Variants in RAB38 observed in about 807,000 individuals in gnomAD.
RAB38 encodes ras-related protein Rab-38.
In RAB38, 15 loss-of-function variants were observed where a neutral mutation model predicts 18.4. That is an observed-to-expected ratio of 0.82 (90% confidence interval 0.55 to 1.26). The LOEUF (loss-of-function observed/expected upper bound fraction) is 1.26. Among genes scored for constraint, RAB38 ranks in the 50% most tolerant of loss-of-function variants. The pLI is 0.00. For synonymous variants in RAB38, 101 were observed against 104.4 expected (o/e 0.97, Z 0.20); for missense variants, 294 against 267.4 (o/e 1.10, Z -0.69).
At chr11:88,172,345 A>G (rs1273378959) in intron 1 of RAB38, among the ~76,000 whole-genome samples, 3 of 152,202 alleles carry the variant, frequency 2.0e-5, no homozygotes, top group Admixed American at 2.0e-4. Context: ...TACTTTTTGG[A>G]GTCTTTCAAG....
chr11:87,914,244 A>T, the RAB38 span, among the ~76,000 whole-genome samples: 1 of 152,158 alleles, frequency 6.6e-6, no homozygotes, highest in African/African-American at 2.4e-5. Flanking sequence ...TGACCAAAAC[A>T]TTGATAGAAA....
At chr11:88,158,474 A>C (rs1050114945) in intron 1 of RAB38, among the ~76,000 whole-genome samples, 2 of 152,268 alleles carry the variant, frequency 1.3e-5, no homozygotes, top group Non-Finnish European at 2.9e-5. Flanking sequence ...ACAATGAAAA[A>C]AGAAAACTAC....
chr11:87,938,268 G>T, the RAB38 span, among the ~76,000 whole-genome samples: 2 of 152,008 alleles, frequency 1.3e-5, no homozygotes, highest in African/African-American at 4.8e-5. Flanking sequence ...CTGGGCAGGG[G>T]TTAAAATCTT....
the RAB38 span, among the ~76,000 whole-genome samples, chr11:87,947,515 G>T: frequency 3.6e-4 from 55 of 152,184 alleles, no homozygotes; most frequent in African/African-American, 1.3e-3. Flanking sequence ...GGTTTTTATG[G>T]TTTCAGGTCT....
At chr11:88,017,364 TAC>T in the RAB38 span, among the ~76,000 whole-genome samples, 99,254 of 150,406 alleles carry the variant, frequency 0.66, 32,856 homozygotes, top group East Asian at 0.71. Context: ...TATAGACACA[TAC>T]ACACACACAC....
the RAB38 span, chr11:87,817,067 T>G: frequency 1.3e-5 from 2 of 152,312 alleles, no homozygotes; most frequent in East Asian, 3.9e-4. Flanking sequence ...CACATGAAGA[T>G]ATTTAGGTAG....
downstream of RAB38, among the ~76,000 whole-genome samples, chr11:88,109,841 T>A (rs1376023611): frequency 3.9e-5 from 6 of 152,174 alleles, no homozygotes; most frequent in Admixed American, 1.3e-4. Flanking sequence ...CCAGTTAGAA[T>A]GGTGATCATT....
At chr11:87,893,372 A>ATATATATATATATGTG in the RAB38 span, among the ~76,000 whole-genome samples, 2 of 28,442 alleles carry the variant, frequency 7.0e-5, no homozygotes, top group African/African-American at 1.5e-4. Context: ...TATATTTTAC[A>ATATATATATATATGTG]TATATATATA....
chr11:87,933,513 G>A, the RAB38 span, among the ~76,000 whole-genome samples: 1 of 152,092 alleles, frequency 6.6e-6, no homozygotes, highest in African/African-American at 2.4e-5. Flanking sequence ...GAAGACTTAA[G>A]CTTTCAGAAA....
intron 2 of RAB38, chr11:88,115,878 G>C (rs1356240589): frequency 6.6e-6 from 1 of 152,132 alleles, no homozygotes; most frequent in Non-Finnish European, 1.5e-5. Context: ...TTAAGATAAA[G>C]ATTATGTTTT....
the RAB38 span, among the ~76,000 whole-genome samples, chr11:88,048,879 G>A: frequency 5.3e-5 from 8 of 151,942 alleles, no homozygotes; most frequent in Non-Finnish European, 1.0e-4. Flanking sequence ...TAGGCACTCT[G>A]GTTAGATGTC....
At chr11:88,152,697 TGAG>T (rs1943078336) in intron 1 of RAB38, among the ~76,000 whole-genome samples, 13 of 152,196 alleles carry the variant, frequency 8.5e-5, no homozygotes, top group Admixed American at 3.3e-4. Context: ...TGACTCAGAG[TGAG>T]TGCCTACTTT....
chr11:87,930,686 T>A, the RAB38 span, among the ~76,000 whole-genome samples: 54 of 152,328 alleles, frequency 3.5e-4, no homozygotes, highest in African/African-American at 1.3e-3. Flanking sequence ...TTCTAGGGTT[T>A]TAATGGTTTG....
chr11:88,104,741 T>C, the RAB38 span, among the ~76,000 whole-genome samples: 1 of 152,272 alleles, frequency 6.6e-6, no homozygotes, highest in African/African-American at 2.4e-5. Flanking sequence ...CATATTCAAA[T>C]GATTGTGTCT....
chr11:87,821,925 T>A, the RAB38 span, among the ~76,000 whole-genome samples: 1 of 151,730 alleles, frequency 6.6e-6, no homozygotes, highest in Non-Finnish European at 1.5e-5. Context: ...TAATATTATA[T>A]AAGCTGGAGA....
chr11:88,007,478 T>C, the RAB38 span, among the ~76,000 whole-genome samples: 21 of 152,022 alleles, frequency 1.4e-4, no homozygotes, highest in East Asian at 4.1e-3. Context: ...ATTTAAATGA[T>C]CAAAAATTAC....
At chr11:88,005,420 G>A in the RAB38 span, among the ~76,000 whole-genome samples, 1 of 151,036 alleles carries the variant, frequency 6.6e-6, no homozygotes, top group East Asian at 1.9e-4. Context: ...CCTACAACTG[G>A]AAACCCATTT....
At chr11:87,929,709 C>T in the RAB38 span, among the ~76,000 whole-genome samples, 1 of 138,854 alleles carries the variant, frequency 7.2e-6, no homozygotes, top group Admixed American at 7.2e-5. Flanking sequence ...TGCTATCCTT[C>T]CCCCCTCCCC....
chr11:88,050,966 G>T, the RAB38 span, among the ~76,000 whole-genome samples: 1 of 152,170 alleles, frequency 6.6e-6, no homozygotes, highest in South Asian at 2.1e-4. Context: ...GCAAAGGAGG[G>T]CTGGAATTAG....
Sources: allele counts gnomAD v4.1 joint callset (sites outside exome capture counted in the v4.1 genomes callset), GRCh38; gene constraint gnomAD v4.1.1; transcripts MANE v1.5; gene names NCBI Gene and HGNC (gene_info 2026-07-23, HGNC 2026-07-21).